MAP2: variants seen among roughly 807,000 people sequenced by gnomAD.
The protein encoded by MAP2 is microtubule associated protein 2.
Under a neutral mutation model 137.6 loss-of-function variants are expected in MAP2, and 14 were observed. The ratio of observed to expected loss-of-function variants is 0.10; its 90% CI spans 0.07 to 0.16. The LOEUF (loss-of-function observed/expected upper bound fraction) is 0.16. Ranked by LOEUF, MAP2 falls within the 10% of genes least tolerant of loss-of-function variation. The pLI, the probability that MAP2 is intolerant of heterozygous loss-of-function variation, is 1.00. For synonymous variants in MAP2, 786 were observed against 782.3 expected (o/e 1.00, Z -0.08); for missense variants, 2,088 against 2,191.5 (o/e 0.95, Z 0.94).
chr2:209,502,389 A>G (rs1286711546), intron 1 of MAP2, among the ~76,000 whole-genome samples: 1 of 152,194 alleles, frequency 6.6e-6, no homozygotes, highest in Admixed American at 6.5e-5. Context: ...AATGCCGTTC[A>G]GGTTTTTTCA....
Position 209,693,739 on chromosome 2 carries a change from A to G in MAP2, c.1569A>G (p.Glu523=). The G allele has an allele frequency of 1.2e-6, 2 of 1,613,400 alleles. No homozygotes were observed. The highest frequency in any genetic ancestry group is 1.7e-6 in the Non-Finnish European group (2 of 1,179,842). Residue 523 remains glutamate, a synonymous_variant, in exon 8 of 16, where the codon GAA becomes GAG. Transcript: ENST00000682079. ...AAACACTGGAGAAAGCCATGACCGA[A>G]CCATCTGCATTAATTGAAAAGAGCT... ...TSKTLEKAMT[E]PSALIEKSSI... is the part of the protein sequence containing the mutation.
chr2:209,515,677 G>A (rs2062391288), intron 2 of MAP2, among the ~76,000 whole-genome samples: 1 of 152,022 alleles, frequency 6.6e-6, no homozygotes, highest in Admixed American at 6.6e-5. Flanking sequence ...GATTTGGGTG[G>A]GGACACAGAG....
chr2:209,680,075 T>C (rs2053874366), intron 6 of MAP2, among the ~76,000 whole-genome samples: 1 of 152,166 alleles, frequency 6.6e-6, no homozygotes, highest in Non-Finnish European at 1.5e-5. Flanking sequence ...TGTAAATGAA[T>C]TACATCTTTT....
At chr2:209,536,230 A>G (rs1559291148) in intron 2 of MAP2, among the ~76,000 whole-genome samples, 2 of 152,210 alleles carry the variant, frequency 1.3e-5, no homozygotes, top group African/African-American at 2.4e-5. Context: ...GTTATTTATG[A>G]CATATGCAAA....
chr2:209,617,645 C>G (rs1442065984), intron 3 of MAP2, among the ~76,000 whole-genome samples: 1 of 152,088 alleles, frequency 6.6e-6, no homozygotes, highest in African/African-American at 2.4e-5. Context: ...GTCTCCTCCT[C>G]TTCTTATAAG....
At position 209,460,318 on chromosome 2, in the gene MAP2, A is replaced by G. The variant is rs537946475; in HGVS notation, c.-222+36042A>G. Among the ~76,000 whole-genome samples, 12 of 152,314 alleles carry G rather than the reference A, an allele frequency of 7.9e-5. No homozygotes were observed. In the South Asian group the frequency reaches 2.5e-3, roughly 32 times the overall value. ...TTTACAATGACGGTCTATGTCAGCT[A>G]TGCCTATTCAGAGGAAAACAACATA... On this transcript the variant is annotated intron_variant, in intron 1 of 15. Transcript: ENST00000682079.
At chr2:209,471,808 T>G (rs2149718077) in intron 1 of MAP2, among the ~76,000 whole-genome samples, 1 of 152,300 alleles carries the variant, frequency 6.6e-6, no homozygotes, top group East Asian at 1.9e-4. Context: ...GTAGAAATTT[T>G]AATGATAAGG....
At position 209,658,502 on chromosome 2, in the gene MAP2, T is replaced by C. The variant is rs182567327; in HGVS notation, c.262+5070T>C. On this transcript the variant is annotated intron_variant, in intron 5 of 15. Coordinates refer to ENST00000682079, the MANE Select transcript of MAP2 (RefSeq NM_001375505.1). ...ATCTAAAGAGAGGAAAAAAAAATTA[T>C]TATTATTACTATTTTTTTTTTGAGA... Among the ~76,000 whole-genome samples the C allele has an allele frequency of 2.5e-3, 375 of 152,060 alleles. 5 individuals are homozygous for C. Among genetic ancestry groups the C allele is most frequent in the East Asian group, 0.024 (126 of 5,178 alleles).
At position 209,700,459 on chromosome 2, in the gene MAP2, G is replaced by A. The variant is rs112287252; in HGVS notation, c.4584+121G>A. On this transcript the variant is annotated intron_variant, in intron 11 of 15. Coordinates refer to ENST00000682079, the MANE Select transcript of MAP2 (RefSeq NM_001375505.1). ...TCTTAAAAGTCACTTTAAATAGTTC[G>A]CTCACCCAGAAGATTCTCCGTGGCA... 1.1e-3 allele frequency: 860 copies of A among 759,924 alleles called. 6 individuals carry two copies. The African/African-American group carries it at 0.013, about 12-fold the overall frequency. 47.1% of individuals were successfully genotyped at this position (759,924 alleles called of 1,614,324 possible).
chr2:209,530,466 G>A (rs2064944602), intron 2 of MAP2, among the ~76,000 whole-genome samples: 4 of 152,140 alleles, frequency 2.6e-5, no homozygotes, highest in Non-Finnish European at 1.5e-5. Flanking sequence ...AATCAGAGGA[G>A]GAAGTACAGA....
At chr2:209,692,337 C>CA (rs11449791) in intron 7 of MAP2, among the ~76,000 whole-genome samples, 99,388 of 133,622 alleles carry the variant, frequency 0.74, 38,533 homozygotes, top group Non-Finnish European at 0.87. Flanking sequence ...TAGGAGAGAC[C>CA]AAAAAAAAAA....
At chr2:209,428,959 A>ATTTG (rs1693397239) in intron 1 of MAP2, among the ~76,000 whole-genome samples, 2 of 86,982 alleles carry the variant, frequency 2.3e-5, no homozygotes, top group Non-Finnish European at 4.5e-5. Context: ...TTATTTATTT[A>ATTTG]TTTATTTATT....
chr2:209,482,099 A>T (rs1171666172), intron 1 of MAP2, among the ~76,000 whole-genome samples: 5 of 152,220 alleles, frequency 3.3e-5, no homozygotes, highest in Non-Finnish European at 1.5e-5. Context: ...AATCTCAAAG[A>T]CAGCAGTAGA....
intron 4 of MAP2, among the ~76,000 whole-genome samples, chr2:209,630,973 T>C (rs2092944600): frequency 8.6e-6 from 1 of 116,786 alleles, no homozygotes; most frequent in Admixed American, 1.0e-4. Flanking sequence ...AGCTAGAAAG[T>C]AGCATTTTTC....
At chr2:209,706,542 C>T (rs183372771) in intron 12 of MAP2, among the ~76,000 whole-genome samples, 1 of 151,836 alleles carries the variant, frequency 6.6e-6, no homozygotes, top group Non-Finnish European at 1.5e-5. Flanking sequence ...GTCCAGTTAC[C>T]CTCTAGAGAG....
At chr2:209,529,889 C>A (rs372956497) in intron 2 of MAP2, among the ~76,000 whole-genome samples, 1 of 149,352 alleles carries the variant, frequency 6.7e-6, no homozygotes, top group African/African-American at 2.5e-5. Context: ...TTTCTTTCTT[C>A]TTCCCCACCC....
chr2:209,636,197 T>A (rs1238467215), intron 4 of MAP2, among the ~76,000 whole-genome samples: 2 of 152,152 alleles, frequency 1.3e-5, no homozygotes, highest in Non-Finnish European at 2.9e-5. Context: ...AAATTTAGAA[T>A]TCACTAAAGC....
chr2:209,558,338 A>G (rs142462590), intron 2 of MAP2, among the ~76,000 whole-genome samples: 2,998 of 151,948 alleles, frequency 0.02, 95 homozygotes, highest in African/African-American at 0.068. Flanking sequence ...ACAGGCACGC[A>G]CCACCAAGCC....
chr2:209,675,239 T>C (rs1423428254), intron 5 of MAP2, among the ~76,000 whole-genome samples: 4 of 151,618 alleles, frequency 2.6e-5, no homozygotes, highest in Non-Finnish European at 5.9e-5. Context: ...CCTTGGATTA[T>C]TTTTTTTAAC....
Sources: gnomAD v4.1 joint callset for allele counts (sites outside exome capture counted in the v4.1 genomes callset) on GRCh38, gnomAD v4.1.1 for gene constraint, MANE v1.5 for transcripts, NCBI Gene and HGNC (gene_info 2026-07-23, HGNC 2026-07-21) for gene names.